Variants in ZNF804A observed in about 807,000 individuals in gnomAD.
ZNF804A encodes the protein zinc finger protein 804A.
ZNF804A carries 2 observed loss-of-function variants against 16.5 expected under a neutral mutation model. That is an observed-to-expected ratio of 0.12 (90% CI 0.05 to 0.38). The LOEUF is 0.38. ZNF804A is among the 10% of genes least tolerant of loss of function. The pLI is 0.99. For synonymous variants in ZNF804A, 534 were observed against 489.6 expected (o/e 1.09, Z -1.20); for missense variants, 1,473 against 1,390.7 (o/e 1.06, Z -0.94).
intron 1 of ZNF804A, among the ~76,000 whole-genome samples, chr2:184,672,092 G>A (rs1692346570): frequency 6.6e-6 from 1 of 152,174 alleles, no homozygotes; most frequent in Non-Finnish European, 1.5e-5. Flanking sequence ...CTAAGACACT[G>A]TTTGAAGGAG....
At chr2:184,782,313 C>G (rs866353657) in intron 1 of ZNF804A, among the ~76,000 whole-genome samples, 1 of 151,356 alleles carries the variant, frequency 6.6e-6, no homozygotes, top group Non-Finnish European at 1.5e-5. Context: ...GGTGTGTCTA[C>G]GAAGGTGTTG....
chr2:184,732,959 GATCATGTC>G (rs1693543427), intron 1 of ZNF804A, among the ~76,000 whole-genome samples: 1 of 152,080 alleles, frequency 6.6e-6, no homozygotes, highest in Non-Finnish European at 1.5e-5. Context: ...CTACATAGAT[GATCATGTC>G]ATCTGTGAAC....
intron 1 of ZNF804A, among the ~76,000 whole-genome samples, chr2:184,864,780 C>A (rs538711362): frequency 1.3e-5 from 2 of 151,676 alleles, no homozygotes; most frequent in African/African-American, 2.4e-5. Flanking sequence ...AGGATAAGTG[C>A]CATTGCCATA....
chr2:184,645,467 G>A (rs1691855578), intron 1 of ZNF804A, among the ~76,000 whole-genome samples: 1 of 152,100 alleles, frequency 6.6e-6, no homozygotes, highest in African/African-American at 2.4e-5. Context: ...TTTTCATAGT[G>A]GGAGGTGATG....
intron 2 of ZNF804A, among the ~76,000 whole-genome samples, chr2:184,929,615 T>A (rs1335249699): frequency 6.6e-6 from 1 of 152,118 alleles, no homozygotes; most frequent in East Asian, 1.9e-4. Flanking sequence ...CAGTAGGAAA[T>A]AAATTATCTG....
chr2:184,690,720 C>T (rs537362976), intron 1 of ZNF804A, among the ~76,000 whole-genome samples: 4 of 151,930 alleles, frequency 2.6e-5, no homozygotes, highest in Non-Finnish European at 4.4e-5. Context: ...TCAGTGAAGA[C>T]GCATTGATCG....
chr2:184,763,920 G>A (rs1418496458), intron 1 of ZNF804A, among the ~76,000 whole-genome samples: 1 of 151,956 alleles, frequency 6.6e-6, no homozygotes, highest in Non-Finnish European at 1.5e-5. Context: ...GGGATTATAG[G>A]TGTGAGCCAC....
chr2:184,880,696 G>T (rs1684797329), intron 2 of ZNF804A, among the ~76,000 whole-genome samples: 1 of 151,936 alleles, frequency 6.6e-6, no homozygotes, highest in East Asian at 1.9e-4. Context: ...TTTATTGGCT[G>T]ACATGTCTGG....
At chr2:184,777,252 G>T (rs1385295413) in intron 1 of ZNF804A, among the ~76,000 whole-genome samples, 1 of 151,534 alleles carries the variant, frequency 6.6e-6, no homozygotes, top group Non-Finnish European at 1.5e-5. Flanking sequence ...CCACCATTTT[G>T]ATATACCATT....
At position 184,827,185 on chromosome 2, in the gene ZNF804A, A is replaced by G. The variant is rs545633216; in HGVS notation, c.112-39184A>G. ...CTAAGTGTGAATAATTAATTTTATT[A>G]AACTATGGACAATTAGTTGATCTGG... On this transcript the variant is annotated intron_variant, in intron 1 of 3. Coordinates refer to ENST00000302277, the MANE Select transcript of ZNF804A (RefSeq NM_194250.2). Among the ~76,000 whole-genome samples the G allele has an allele frequency of 9.9e-5, 15 of 151,758 alleles. No homozygotes were observed. In the East Asian group the frequency reaches 2.5e-3, roughly 25 times the overall value.
At chr2:184,657,735 T>A (rs1228250770) in intron 1 of ZNF804A, among the ~76,000 whole-genome samples, 3 of 152,338 alleles carry the variant, frequency 2.0e-5, no homozygotes, top group Non-Finnish European at 4.4e-5. Context: ...GTTTAAATTC[T>A]ACAGTTGCCT....
intron 1 of ZNF804A, among the ~76,000 whole-genome samples, chr2:184,754,168 C>T (rs1693919581): frequency 6.6e-6 from 1 of 151,772 alleles, no homozygotes. Flanking sequence ...ATGTCCACAG[C>T]TTACCTCAAT....
At chr2:184,680,740 G>A (rs1035970415) in intron 1 of ZNF804A, among the ~76,000 whole-genome samples, 6 of 152,254 alleles carry the variant, frequency 3.9e-5, no homozygotes, top group African/African-American at 7.2e-5. Flanking sequence ...TGGCAGGGCT[G>A]AAAGAACTGT....
At chr2:184,627,216 A>C (rs1691519880) in intron 1 of ZNF804A, among the ~76,000 whole-genome samples, 1 of 152,128 alleles carries the variant, frequency 6.6e-6, no homozygotes, top group South Asian at 2.1e-4. Flanking sequence ...CATTAAGATT[A>C]TCTATCTTGA....
intron 1 of ZNF804A, among the ~76,000 whole-genome samples, chr2:184,608,187 C>A (rs1474506440): frequency 6.6e-6 from 1 of 151,776 alleles, no homozygotes; most frequent in East Asian, 1.9e-4. Context: ...CCTCGTGATC[C>A]GCCCGCCTCG....
chr2:184,644,597 T>G (rs1336040453), intron 1 of ZNF804A, among the ~76,000 whole-genome samples: 1 of 151,968 alleles, frequency 6.6e-6, no homozygotes, highest in African/African-American at 2.4e-5. Flanking sequence ...CATTAAATCT[T>G]ATACTAATGT....
At chr2:184,738,040 C>T (rs1015311868) in intron 1 of ZNF804A, among the ~76,000 whole-genome samples, 2 of 110,866 alleles carry the variant, frequency 1.8e-5, no homozygotes, top group Non-Finnish European at 4.1e-5. Context: ...GCAAGAGAAT[C>T]ACTTGAACCT....
chr2:184,699,042 TGGTGCATGGG>T (rs925777310), intron 1 of ZNF804A, among the ~76,000 whole-genome samples: 10 of 152,056 alleles, frequency 6.6e-5, no homozygotes, highest in African/African-American at 2.4e-4. Flanking sequence ...GTTATATGCA[TGGTGCATGGG>T]GGTGGACACC....
chr2:184,763,021 T>C (rs1442729102), intron 1 of ZNF804A, among the ~76,000 whole-genome samples: 1 of 152,196 alleles, frequency 6.6e-6, no homozygotes, highest in African/African-American at 2.4e-5. Flanking sequence ...TAAAAATGTA[T>C]CAAATAATTT....
Sources: gnomAD v4.1 joint callset for allele counts (sites outside exome capture counted in the v4.1 genomes callset) on GRCh38, gnomAD v4.1.1 for gene constraint, MANE v1.5 for transcripts, NCBI Gene and HGNC (gene_info 2026-07-23, HGNC 2026-07-21) for gene names.